Variants in IL31RA observed in about 807,000 individuals in gnomAD.
The protein encoded by IL31RA is interleukin-31 receptor subunit alpha.
IL31RA carries 66 observed loss-of-function variants against 83.7 expected under a neutral mutation model. The ratio of observed to expected loss-of-function variants is 0.79; its 90% CI spans 0.65 to 0.97. The LOEUF (loss-of-function observed/expected upper bound fraction) is 0.97. Among genes scored for constraint, IL31RA ranks in the 50% least tolerant of loss-of-function variants. IL31RA has a pLI of 0.00. For missense variants in IL31RA, 798 were observed against 919.4 expected (o/e 0.87, Z 1.71); for synonymous variants, 325 against 329.0 (o/e 0.99, Z 0.13).
intron 1 of IL31RA, among the ~76,000 whole-genome samples, chr5:55,854,560 C>T (rs1745243019): frequency 6.6e-6 from 1 of 152,024 alleles, no homozygotes; most frequent in Non-Finnish European, 1.5e-5. Context: ...GCCTGGCCAA[C>T]ATGGCGAAAC....
At chr5:55,883,740 A>G (rs1158027357) in intron 5 of IL31RA, among the ~76,000 whole-genome samples, 1 of 152,026 alleles carries the variant, frequency 6.6e-6, no homozygotes, top group Non-Finnish European at 1.5e-5. Context: ...CTTTGCTTTC[A>G]TTTTTTACCA....
In IL31RA at chr5:55,917,411, G is replaced by A; in HGVS notation, c.*291G>A. 1.8e-6 allele frequency: 2 copies of A among 1,108,906 alleles called. No individual in the cohort carries two copies. Among genetic ancestry groups the A allele is most frequent in the South Asian group, 1.8e-5 (1 of 56,370 alleles). The allele number at this position is 1,108,906 out of a possible 1,614,324, so 68.7% of individuals were successfully genotyped here. ...CCTGACAGATTGACTTTGAAGGAAG[G>A]GCCCAGGTTCTGAGCCCAAAGGACC... On this transcript the variant is annotated 3_prime_UTR_variant, in exon 15 of 15. Transcript: ENST00000652347.
the IL31RA span, among the ~76,000 whole-genome samples, chr5:55,845,527 T>G: frequency 6.6e-6 from 1 of 152,116 alleles, no homozygotes; most frequent in Non-Finnish European, 1.5e-5. Flanking sequence ...CAGGACCAGA[T>G]GGAGGTAATT....
At position 55,919,990 on chromosome 5, in the gene IL31RA, C is replaced by A. The variant is rs1750009222; in HGVS notation, c.*2870C>A. On this transcript the variant is annotated 3_prime_UTR_variant, in exon 15 of 15. Transcript: ENST00000652347. Reference sequence around the variant, plus strand: ...ATGGATAAACCAGTTTTCTGAGACCCTGGGATCCATGCAGACAGCTAGGTT... The same window carrying A: ...ATGGATAAACCAGTTTTCTGAGACCATGGGATCCATGCAGACAGCTAGGTT... 6.6e-6 allele frequency among the ~76,000 whole-genome samples: 1 copy of A among 152,206 alleles called. No individual in the cohort carries two copies. The highest frequency in any genetic ancestry group is 1.5e-5 in the Non-Finnish European group (1 of 68,040).
chr5:55,882,377 A>G (rs1747293044), intron 4 of IL31RA, among the ~76,000 whole-genome samples: 1 of 152,264 alleles, frequency 6.6e-6, no homozygotes, highest in South Asian at 2.1e-4. Context: ...TTTTTAAAAA[A>G]CAAAAGCTTT....
chr5:55,845,715 A>C, the IL31RA span, among the ~76,000 whole-genome samples: 21 of 150,936 alleles, frequency 1.4e-4, no homozygotes, highest in East Asian at 4.1e-3. Context: ...GTTTCCTGAG[A>C]CCTCCCTGAG....
At chr5:55,905,262 C>T (rs375836349) in intron 8 of IL31RA, among the ~76,000 whole-genome samples, 2 of 151,560 alleles carry the variant, frequency 1.3e-5, no homozygotes, top group East Asian at 1.9e-4. Flanking sequence ...CCCATGGATT[C>T]GAGTTTTGCA....
At chr5:55,899,177 G>A (rs1748653933) in intron 7 of IL31RA, among the ~76,000 whole-genome samples, 1 of 152,184 alleles carries the variant, frequency 6.6e-6, no homozygotes, top group Admixed American at 6.5e-5. Flanking sequence ...CGAAGTGCCT[G>A]CTAAAGTCCC....
At position 55,869,105 on chromosome 5, in the gene IL31RA, C is replaced by T. The variant is rs966972696; in HGVS notation, c.272+197C>T. On this transcript the variant is annotated intron_variant, in intron 3 of 14. Transcript: ENST00000652347. ...GGGGAGGCATAGCCAGTGTTGACCT[C>T]CTCCTGGATTCCCCATTGGCTGAGA... 3.3e-5 allele frequency among the ~76,000 whole-genome samples: 5 copies of T among 152,202 alleles called. No individual in the cohort carries two copies. In the South Asian group the frequency reaches 1.0e-3, roughly 31 times the overall value.
chr5:55,907,819 A>G (rs888563668), intron 10 of IL31RA, among the ~76,000 whole-genome samples: 1 of 152,242 alleles, frequency 6.6e-6, no homozygotes, highest in African/African-American at 2.4e-5. Context: ...TTAAAAAATT[A>G]TTTTTAATTA....
chr5:55,847,641 C>T (rs1449466491), upstream of IL31RA, among the ~76,000 whole-genome samples: 2 of 152,184 alleles, frequency 1.3e-5, no homozygotes, highest in Non-Finnish European at 1.5e-5. Context: ...CTGTTTTCCC[C>T]ATTGGCAACA....
chr5:55,873,626 GT>G (rs1010819120), intron 4 of IL31RA, among the ~76,000 whole-genome samples: 1 of 151,796 alleles, frequency 6.6e-6, no homozygotes, highest in Non-Finnish European at 1.5e-5. Flanking sequence ...CCTTGTTATG[GT>G]TCTGATTTGC....
At chr5:55,842,730 G>T in the IL31RA span, among the ~76,000 whole-genome samples, 6 of 152,144 alleles carry the variant, frequency 3.9e-5, no homozygotes, top group Non-Finnish European at 8.8e-5. Flanking sequence ...CCTGGGTGGG[G>T]CCTGTTCTTT....
intron 9 of IL31RA, among the ~76,000 whole-genome samples, chr5:55,907,125 C>G (rs1207635654): frequency 1.3e-5 from 2 of 151,974 alleles, no homozygotes; most frequent in Admixed American, 6.6e-5. Flanking sequence ...GGATTCCCTG[C>G]CTCCAAAAAA....
intron 2 of IL31RA, among the ~76,000 whole-genome samples, chr5:55,867,310 TGTGTGTGC>T (rs1561543888): frequency 1.3e-5 from 2 of 149,732 alleles, no homozygotes; most frequent in Non-Finnish European, 3.0e-5. Flanking sequence ...TGTGCGTGTG[TGTGTGTGC>T]GTGTGTGTGT....
In IL31RA at chr5:55,920,970, G is replaced by C. The variant is rs949144083; in HGVS notation, c.*3850G>C. Among the ~76,000 whole-genome samples, 2 of 152,068 alleles carry C rather than the reference G, an allele frequency of 1.3e-5. No homozygotes were observed. Among genetic ancestry groups the C allele is most frequent in the East Asian group, 3.8e-4 (2 of 5,198 alleles). Reference sequence around the variant, plus strand: ...GGGAAGGTGCTACTGGCATCTAGTGGGTAGAGGCCGGCAATGCTGGAAATT... The same window carrying C: ...GGGAAGGTGCTACTGGCATCTAGTGCGTAGAGGCCGGCAATGCTGGAAATT... On this transcript the variant is annotated 3_prime_UTR_variant, in exon 15 of 15. Coordinates refer to ENST00000652347, the MANE Select transcript of IL31RA (RefSeq NM_139017.7).
intron 2 of IL31RA, among the ~76,000 whole-genome samples, chr5:55,862,469 T>C (rs1295206990): frequency 1.3e-5 from 2 of 152,184 alleles, no homozygotes; most frequent in East Asian, 3.8e-4. Flanking sequence ...AGTTCAGTGG[T>C]GCAATCTCAG....
At position 55,877,318 on chromosome 5, in the gene IL31RA, C is replaced by T. The variant is rs75410449; in HGVS notation, c.454+4867C>T. On this transcript the variant is annotated intron_variant, in intron 4 of 14. Transcript: ENST00000652347. Reference sequence around the variant, plus strand: ...TCTGTATCCACTGTATACCATAAAGCTATAATTGTTTTTCATACATTAGTC... The same window carrying T: ...TCTGTATCCACTGTATACCATAAAGTTATAATTGTTTTTCATACATTAGTC... Among the ~76,000 whole-genome samples, 958 of 152,246 alleles carry T rather than the reference C, an allele frequency of 6.3e-3. 12 individuals are homozygous for T. The highest frequency in any genetic ancestry group is 0.022 in the African/African-American group (914 of 41,554).
chr5:55,876,018 T>C (rs1408601878), intron 4 of IL31RA, among the ~76,000 whole-genome samples: 1 of 152,214 alleles, frequency 6.6e-6, no homozygotes, highest in East Asian at 1.9e-4. Context: ...ATTAGGTTAG[T>C]ACAAAAGTAA....
Sources: allele counts gnomAD v4.1 joint callset (sites outside exome capture counted in the v4.1 genomes callset), GRCh38; gene constraint gnomAD v4.1.1; transcripts MANE v1.5; gene names NCBI Gene and HGNC (gene_info 2026-07-23, HGNC 2026-07-21).